GLE1: variants seen among roughly 807,000 people sequenced by gnomAD.
GLE1 encodes the protein mRNA export factor GLE1.
In GLE1, 78 loss-of-function variants were observed where a neutral mutation model predicts 97.3. The observed-to-expected ratio is 0.80, with a 90% CI of 0.67 to 0.97. The LOEUF (loss-of-function observed/expected upper bound fraction) is 0.97. Among genes scored for constraint, GLE1 ranks in the 50% least tolerant of loss-of-function variants. The pLI, the probability that GLE1 is intolerant of heterozygous loss-of-function variation, is 0.00. For synonymous variants in GLE1, 302 were observed against 313.4 expected (o/e 0.96, Z 0.39); for missense variants, 753 against 857.5 (o/e 0.88, Z 1.52).
chr9:128,536,529 A>C, intron 12 of GLE1, 45 bp downstream of exon 12: 1 of 1,541,266 alleles, frequency 6.5e-7, no homozygotes, highest in Non-Finnish European at 9.0e-7. Context: ...GTTAGACCAC[A>C]GTCCATGTGT....
At chr9:128,540,056 CA>C (rs958514198) in intron 14 of GLE1, among the ~76,000 whole-genome samples, 90 of 148,000 alleles carry the variant, frequency 6.1e-4, no homozygotes, top group African/African-American at 2.1e-3. Context: ...CCCATCTCTA[CA>C]AAAAAAAAAT....
At chr9:128,526,578 C>T (rs892380250) in intron 7 of GLE1, among the ~76,000 whole-genome samples, 3 of 152,026 alleles carry the variant, frequency 2.0e-5, no homozygotes, top group Admixed American at 1.3e-4. Flanking sequence ...AGGCTGGTTT[C>T]GAACTCCCGA....
Position 128,526,658 on chromosome 9 carries a change from G to A in GLE1, c.1130-521G>A, listed in dbSNP as rs118074842. Among the ~76,000 whole-genome samples, 1,463 of 151,204 alleles carry A rather than the reference G, an allele frequency of 9.7e-3. 32 individuals carry two copies. The highest frequency in any genetic ancestry group is 0.074 in the East Asian group (381 of 5,144). ...ATAGGCATGAGCCACTGCGCCCAGC[G>A]TTTTTTGTTTTTTGTTTTTTTTTTG... On this transcript the variant is annotated intron_variant, in intron 7 of 15. Transcript: ENST00000309971.
intron 15 of GLE1, chr9:128,540,828 C>T (rs1034937712): frequency 6.3e-6 from 3 of 477,480 alleles, no homozygotes; most frequent in Non-Finnish European, 7.6e-6. Flanking sequence ...TCTCAAAGCT[C>T]GATTGTGAAA....
intron 9 of GLE1, among the ~76,000 whole-genome samples, chr9:128,529,687 CCTCT>C (rs371665128): frequency 1.5e-4 from 22 of 151,128 alleles, no homozygotes; most frequent in Admixed American, 1.3e-4. Context: ...ACTACCCTTT[CCTCT>C]CTCTCTCTCC....
At chr9:128,507,415 C>T (rs1846671696) in intron 1 of GLE1, among the ~76,000 whole-genome samples, 4 of 151,884 alleles carry the variant, frequency 2.6e-5, no homozygotes, top group Admixed American at 2.6e-4. Flanking sequence ...AACCTCACCT[C>T]TACAAAAAAT....
chr9:128,514,201 T>A (rs1345218169), intron 2 of GLE1, among the ~76,000 whole-genome samples: 1 of 151,476 alleles, frequency 6.6e-6, no homozygotes, highest in Non-Finnish European at 1.5e-5. Flanking sequence ...TAGCCAGGTG[T>A]GGTGGCGTGC....
intron 5 of GLE1, 94 bp downstream of exon 5, chr9:128,523,434 C>A (rs1847209438): frequency 7.2e-7 from 1 of 1,387,380 alleles, no homozygotes; most frequent in African/African-American, 1.4e-5. Flanking sequence ...CATGGAGGAT[C>A]TGGGCCGTAT....
intron 2 of GLE1, among the ~76,000 whole-genome samples, chr9:128,510,088 G>GT (rs1846761006): frequency 6.6e-6 from 1 of 151,964 alleles, no homozygotes; most frequent in Non-Finnish European, 1.5e-5. Flanking sequence ...GCTGAGGTCT[G>GT]TCTCTGTCAA....
chr9:128,531,142 A>G (rs1250551195), intron 9 of GLE1, among the ~76,000 whole-genome samples: 3 of 146,978 alleles, frequency 2.0e-5, no homozygotes, highest in Non-Finnish European at 3.0e-5. Flanking sequence ...TGAACCCAGG[A>G]GGCAGAAGTT....
intron 14 of GLE1, 55 bp from the exon 15 acceptor site, chr9:128,540,220 C>T (rs1847845385): frequency 8.3e-7 from 1 of 1,200,806 alleles, no homozygotes; most frequent in Non-Finnish European, 1.2e-6. Flanking sequence ...GACACCGTTT[C>T]CAAAAGATAG....
intron 11 of GLE1, among the ~76,000 whole-genome samples, chr9:128,534,711 ATTTTTTATT>A (rs1447016041): frequency 3.3e-5 from 5 of 151,416 alleles, no homozygotes; most frequent in African/African-American, 9.7e-5. Flanking sequence ...ATATATACAT[ATTTTTTATT>A]TTTTTTATTT....
chr9:128,529,553 C>T (rs2132484541), intron 9 of GLE1, among the ~76,000 whole-genome samples: 1 of 152,238 alleles, frequency 6.6e-6, no homozygotes, highest in African/African-American at 2.4e-5. Flanking sequence ...GATCCTATGT[C>T]TTCTAAGTGT....
At position 128,525,216 on chromosome 9, in the gene GLE1, CA is replaced by C; in HGVS notation, c.924del (p.Ala309LeufsTer14). ...SESSYPTAES[Q>X]AEAERALREM... is the part of the protein sequence containing the mutation. Reference sequence around the variant, plus strand: ...GAGCAGCTATCCCACAGCAGAGAGTCAAGCTGAGGCTGAGCGAGCTCTGCGG... The same window carrying C: ...GAGCAGCTATCCCACAGCAGAGAGTCAGCTGAGGCTGAGCGAGCTCTGCGG... On this transcript the variant is annotated frameshift_variant, in exon 7 of 16. Transcript: ENST00000309971. LOFTEE classifies it high-confidence loss of function. 6.2e-7 allele frequency: 1 copy of C among 1,613,918 alleles called. No individual in the cohort carries two copies.
chr9:128,512,945 A>C (rs1467429818), intron 2 of GLE1, among the ~76,000 whole-genome samples: 1 of 152,174 alleles, frequency 6.6e-6, no homozygotes, highest in Non-Finnish European at 1.5e-5. Flanking sequence ...CACCGTGCCC[A>C]GCCCGAGGTT....
At chr9:128,515,361 A>G (rs540512052) in intron 2 of GLE1, among the ~76,000 whole-genome samples, 168 bp from the exon 3 acceptor site, 13 of 152,366 alleles carry the variant, frequency 8.5e-5, no homozygotes, top group African/African-American at 2.6e-4. Flanking sequence ...AACAAAGTCA[A>G]TGTCATTCAT....
At chr9:128,505,643 T>C (rs539017312) in intron 1 of GLE1, among the ~76,000 whole-genome samples, 1 of 152,332 alleles carries the variant, frequency 6.6e-6, no homozygotes, top group East Asian at 1.9e-4. Context: ...ATGCCATGGC[T>C]TTCTCAGTAA....
At chr9:128,522,109 A>T (rs772935078) in intron 3 of GLE1, among the ~76,000 whole-genome samples, 1 of 152,336 alleles carries the variant, frequency 6.6e-6, no homozygotes, top group Non-Finnish European at 1.5e-5. Flanking sequence ...TTAATAGTGC[A>T]TGGCTGTTTG....
intron 7 of GLE1, 90 bp from the exon 8 acceptor site, chr9:128,527,089 A>G: frequency 4.0e-6 from 3 of 748,000 alleles, no homozygotes; most frequent in Non-Finnish European, 4.9e-6. Flanking sequence ...AGCAGTCAGT[A>G]CATACATAAA....
Sources: allele counts gnomAD v4.1 joint callset (sites outside exome capture counted in the v4.1 genomes callset), GRCh38; gene constraint gnomAD v4.1.1; transcripts MANE v1.5; gene names NCBI Gene and HGNC (gene_info 2026-07-23, HGNC 2026-07-21).